Variants in NDUFAF6 observed in about 807,000 individuals in gnomAD.
NDUFAF6 encodes the protein NADH dehydrogenase (ubiquinone) complex I, assembly factor 6.
In NDUFAF6, 45 loss-of-function variants were observed where a neutral mutation model predicts 40.8. That is an observed-to-expected ratio of 1.10 (90% CI 0.87 to 1.42). The LOEUF is 1.42. Among genes scored for constraint, NDUFAF6 ranks in the 40% most tolerant of loss-of-function variants. The pLI is 0.00. For missense variants in NDUFAF6, 435 were observed against 418.5 expected, an observed-to-expected ratio of 1.04 and a Z score of -0.34; for synonymous variants, 185 against 155.9, an observed-to-expected ratio of 1.19 and a Z score of -1.39.
At chr8:95,024,802 G>C (rs1008114878), upstream of NDUFAF6, among the ~76,000 whole-genome samples, 19 of 152,222 alleles carry the variant, frequency 1.2e-4, no homozygotes, top group African/African-American at 4.3e-4. Context: ...GGACGGACTT[G>C]GGCGGGTCTT....
intron 1 of NDUFAF6, among the ~76,000 whole-genome samples, chr8:94,918,888 A>G (rs1819313394): frequency 6.6e-6 from 1 of 152,234 alleles, no homozygotes; most frequent in Admixed American, 6.5e-5. Context: ...GCATTTGGAT[A>G]TGACACTAGT....
chr8:95,003,174 T>A (rs1826812329), intron 2 of NDUFAF6, among the ~76,000 whole-genome samples: 1 of 152,156 alleles, frequency 6.6e-6, no homozygotes. Context: ...ATTCTCTAAC[T>A]ACAGGTTGCA....
At chr8:94,995,750 T>G (rs1265640782) in intron 2 of NDUFAF6, among the ~76,000 whole-genome samples, 1 of 152,238 alleles carries the variant, frequency 6.6e-6, no homozygotes, top group Non-Finnish European at 1.5e-5. Context: ...TCTCTGGCCC[T>G]GACTTCCCTC....
intron 1 of NDUFAF6, among the ~76,000 whole-genome samples, chr8:94,924,136 C>G (rs143220143): frequency 0.02 from 3,104 of 152,252 alleles, 36 homozygotes; most frequent in African/African-American, 0.032. Context: ...TCTTGGCTCA[C>G]TACAACCTCC....
chr8:95,005,549 A>ATG (rs1826932345), intron 2 of NDUFAF6, among the ~76,000 whole-genome samples: 1 of 112,784 alleles, frequency 8.9e-6, no homozygotes, highest in African/African-American at 3.2e-5. Flanking sequence ...ATATATATAT[A>ATG]TATAAAAAAT....
intron 4 of NDUFAF6, among the ~76,000 whole-genome samples, chr8:95,113,911 AAACC>A: frequency 6.6e-6 from 1 of 151,656 alleles, no homozygotes; most frequent in African/African-American, 2.4e-5. Context: ...CAAGAACAAA[AAACC>A]AAACACCGCA....
At chr8:94,958,283 A>C (rs1823250287) in intron 1 of NDUFAF6, 1 of 152,208 alleles carries the variant, frequency 6.6e-6, no homozygotes, top group Non-Finnish European at 1.5e-5. Context: ...TATTTTCTTG[A>C]TAGTTCTGGA....
intron 2 of NDUFAF6, among the ~76,000 whole-genome samples, chr8:94,996,985 G>C (rs1427454963): frequency 6.6e-6 from 1 of 152,162 alleles, no homozygotes. Context: ...AGTACCTGGT[G>C]GTTTGTTATG....
rs533342694 is a variant in NDUFAF6 at position 95,046,876 on chromosome 8, A to G, written c.581-118A>G. On this transcript the variant is annotated intron_variant, in intron 5 of 8. Coordinates refer to ENST00000396124, the MANE Select transcript of NDUFAF6 (RefSeq NM_152416.4). ...TTTTCACTCATAAATCCTGTTTTTC[A>G]GATGTAAAACAGGATAAATGTCTCC... 47 of 1,389,338 alleles carry G rather than the reference A, an allele frequency of 3.4e-5. No individual in the cohort carries two copies. The African/African-American group carries it at 6.2e-4, about 18-fold the overall frequency. 86.1% of individuals were successfully genotyped at this position (1,389,338 alleles called of 1,614,324 possible).
At chr8:94,909,223 T>G (rs1818577712) in intron 1 of NDUFAF6, among the ~76,000 whole-genome samples, 1 of 151,488 alleles carries the variant, frequency 6.6e-6, no homozygotes, top group Non-Finnish European at 1.5e-5. Flanking sequence ...TGCACACCTG[T>G]AAGTAATCCC....
chr8:94,930,820 A>G (rs1440366271), intron 1 of NDUFAF6: 6 of 1,399,142 alleles, frequency 4.3e-6, no homozygotes, highest in Non-Finnish European at 5.8e-6. Flanking sequence ...TTGCCACGCT[A>G]ATTTGTTTAT....
intron 6 of NDUFAF6, among the ~76,000 whole-genome samples, chr8:95,047,845 CT>C (rs1477422434): frequency 1.3e-5 from 2 of 151,428 alleles, no homozygotes; most frequent in Non-Finnish European, 2.9e-5. Context: ...ATTATTTGTT[CT>C]TTCAAACTTT....
At chr8:95,059,329 G>A (rs772387588), downstream of NDUFAF6, among the ~76,000 whole-genome samples, 11 of 152,110 alleles carry the variant, frequency 7.2e-5, no homozygotes, top group Non-Finnish European at 1.6e-4. Flanking sequence ...GAGAGCTTTT[G>A]GAGCACAAGA....
chr8:95,115,753 C>T (rs1379188898), intron 5 of NDUFAF6: 1 of 152,208 alleles, frequency 6.6e-6, no homozygotes, highest in Non-Finnish European at 1.5e-5. Flanking sequence ...TTTTCAGTTG[C>T]TCCAAACATG....
At chr8:94,945,746 T>G (rs185144958) in intron 2 of NDUFAF6, 1 of 152,224 alleles carries the variant, frequency 6.6e-6, no homozygotes, top group Admixed American at 6.5e-5. Flanking sequence ...GAGGACAAAC[T>G]TACAAATACA....
chr8:95,064,690 C>T (rs1469707758), intron 9 of NDUFAF6, among the ~76,000 whole-genome samples: 1 of 148,320 alleles, frequency 6.7e-6, no homozygotes, highest in Admixed American at 6.7e-5. Flanking sequence ...TGACCTTCTG[C>T]TCTCCCTTCA....
At chr8:95,008,501 T>C (rs1213130267) in intron 2 of NDUFAF6, among the ~76,000 whole-genome samples, 1 of 152,134 alleles carries the variant, frequency 6.6e-6, no homozygotes, top group African/African-American at 2.4e-5. Context: ...TATTAGTTAA[T>C]GCCCATTTAA....
At chr8:95,080,119 TTTTTTGTAGTGTA>T (rs1808777209), downstream of NDUFAF6, among the ~76,000 whole-genome samples, 1 of 40,486 alleles carries the variant, frequency 2.5e-5, no homozygotes, top group Non-Finnish European at 4.5e-5. Flanking sequence ...TTGTAGTGAT[TTTTTTGTAGTGTA>T]TTTTTGTAGT....
intron 4 of NDUFAF6, among the ~76,000 whole-genome samples, chr8:95,043,539 A>G (rs1228970269): frequency 6.6e-6 from 1 of 151,130 alleles, no homozygotes; most frequent in African/African-American, 2.4e-5. Context: ...CTCAAGAATA[A>G]AAAAAAAATC....
Sources: gnomAD v4.1 joint callset for allele counts (sites outside exome capture counted in the v4.1 genomes callset) on GRCh38, gnomAD v4.1.1 for gene constraint, MANE v1.5 for transcripts, NCBI Gene and HGNC (gene_info 2026-07-23, HGNC 2026-07-21) for gene names.